ADAMTS3: variants seen among roughly 807,000 people sequenced by gnomAD.
The protein encoded by ADAMTS3 is ADAM metallopeptidase with thrombospondin type 1 motif 3, also known as A disintegrin and metalloproteinase with thrombospondin motifs 3.
In ADAMTS3, 73 loss-of-function variants were observed where a neutral mutation model predicts 129.0. That is an observed-to-expected ratio of 0.57 (90% CI 0.47 to 0.69). The LOEUF (loss-of-function observed/expected upper bound fraction) is 0.69, where lower values mean the gene tolerates loss of function less well. Among genes scored for constraint, ADAMTS3 ranks in the 30% least tolerant of loss-of-function variants. ADAMTS3 has a pLI of 0.00. For missense variants in ADAMTS3, 1,457 were observed against 1,514.5 expected (o/e 0.96, Z 0.63); for synonymous variants, 477 against 510.8 (o/e 0.93, Z 0.89).
chr4:72,501,243 G>A (rs1445804732), intron 3 of ADAMTS3, among the ~76,000 whole-genome samples: 1 of 152,056 alleles, frequency 6.6e-6, no homozygotes, highest in African/African-American at 2.4e-5. Context: ...TCCAATCCAT[G>A]AGCATGAAAT....
chr4:72,496,607 C>A (rs1432649297), intron 3 of ADAMTS3, among the ~76,000 whole-genome samples: 2 of 152,064 alleles, frequency 1.3e-5, no homozygotes, highest in Non-Finnish European at 2.9e-5. Context: ...TCCAGCCCAC[C>A]AGGACCAATA....
At chr4:72,326,660 G>C (rs1248759239) in intron 5 of ADAMTS3, among the ~76,000 whole-genome samples, 1 of 151,874 alleles carries the variant, frequency 6.6e-6, no homozygotes, top group Non-Finnish European at 1.5e-5. Flanking sequence ...AAAATACAAA[G>C]TACTTGAGCT....
intron 3 of ADAMTS3, among the ~76,000 whole-genome samples, chr4:72,506,896 G>T (rs1165611669): frequency 6.6e-6 from 1 of 152,126 alleles, no homozygotes; most frequent in East Asian, 1.9e-4. Context: ...CTGAATTAAA[G>T]TTCACAGAGT....
At chr4:72,294,356 G>T (rs1228167594) in intron 19 of ADAMTS3, among the ~76,000 whole-genome samples, 1 of 152,012 alleles carries the variant, frequency 6.6e-6, no homozygotes, top group African/African-American at 2.4e-5. Flanking sequence ...TCAGTTAGAA[G>T]AAACATGTTT....
intron 3 of ADAMTS3, among the ~76,000 whole-genome samples, chr4:72,432,210 C>T (rs1348350395): frequency 1.3e-5 from 2 of 151,878 alleles, no homozygotes; most frequent in African/African-American, 2.4e-5. Flanking sequence ...AGGTGTGTGG[C>T]TGGAAGTGAT....
chr4:72,509,627 C>T lies in ADAMTS3; in HGVS notation c.504+38851G>A, dbSNP rs115308274. The stretch of plus-strand genomic sequence containing the variant: ...AACAAGATTGAAGCCATAATGAAAA[C>T]TCTCCCAGTAAAGAAAAGCCCAGGA... On this transcript the variant is annotated intron_variant, in intron 3 of 21. Transcript: ENST00000286657. 8.6e-3 allele frequency among the ~76,000 whole-genome samples: 1,306 copies of T among 151,958 alleles called. 5 individuals are homozygous for T. Among genetic ancestry groups the T allele is most frequent in the Non-Finnish European group, 0.013 (902 of 67,834 alleles).
chr4:72,527,235 C>T (rs1355118190), intron 3 of ADAMTS3, among the ~76,000 whole-genome samples: 1 of 152,184 alleles, frequency 6.6e-6, no homozygotes, highest in African/African-American at 2.4e-5. Context: ...AACTCCTCTT[C>T]ATCCTTAAAA....
intron 3 of ADAMTS3, among the ~76,000 whole-genome samples, chr4:72,475,758 A>G (rs1393617685): frequency 6.6e-6 from 1 of 150,548 alleles, no homozygotes; most frequent in African/African-American, 2.4e-5. Context: ...CTCATCTATG[A>G]AAAAAAAACA....
chr4:72,532,226 A>AGT (rs1721063116), intron 3 of ADAMTS3, among the ~76,000 whole-genome samples: 1 of 152,142 alleles, frequency 6.6e-6, no homozygotes, highest in South Asian at 2.1e-4. Flanking sequence ...AGACCTACTA[A>AGT]ATCAGAAACT....
At chr4:72,405,887 C>T (rs753415254) in intron 4 of ADAMTS3, among the ~76,000 whole-genome samples, 11 of 152,024 alleles carry the variant, frequency 7.2e-5, no homozygotes, top group Non-Finnish European at 1.5e-4. Flanking sequence ...ATTAAAGAGG[C>T]TAAAATATGC....
At chr4:72,288,923 T>TGC in intron 20 of ADAMTS3, 55 bp from the exon 21 acceptor site, 1 of 451,176 alleles carries the variant, frequency 2.2e-6, no homozygotes, top group Non-Finnish European at 4.0e-6. Context: ...ACCATGCACA[T>TGC]ACACACACAC....
intron 4 of ADAMTS3, among the ~76,000 whole-genome samples, chr4:72,345,627 GT>G (rs1335155549): frequency 6.6e-6 from 1 of 152,018 alleles, no homozygotes; most frequent in Non-Finnish European, 1.5e-5. Context: ...CTAAGTACCT[GT>G]TGCTTTTATT....
intron 4 of ADAMTS3, among the ~76,000 whole-genome samples, chr4:72,364,612 TA>T (rs78613730): frequency 0.041 from 5,735 of 138,668 alleles, 251 homozygotes; most frequent in African/African-American, 0.12. Context: ...AGACTCCGTT[TA>T]AAAAAAAAAA....
At chr4:72,454,382 A>T (rs947557433) in intron 3 of ADAMTS3, among the ~76,000 whole-genome samples, 49 of 151,850 alleles carry the variant, frequency 3.2e-4, no homozygotes, top group African/African-American at 1.1e-3. Flanking sequence ...TGTGTAAGTA[A>T]AATAGAAGGG....
intron 3 of ADAMTS3, among the ~76,000 whole-genome samples, chr4:72,514,415 T>C (rs1248030382): frequency 6.6e-6 from 1 of 152,146 alleles, no homozygotes; most frequent in Non-Finnish European, 1.5e-5. Context: ...TATAAAACCA[T>C]GAAAAACAAA....
chr4:72,550,108 A>G (rs36009654), intron 2 of ADAMTS3, among the ~76,000 whole-genome samples: 15,683 of 116,150 alleles, frequency 0.14, 3,181 homozygotes, highest in South Asian at 0.35. Flanking sequence ...AAGAAGAAGA[A>G]GAAGAAGAAG....
chr4:72,523,154 A>C (rs1314788289), intron 3 of ADAMTS3, among the ~76,000 whole-genome samples: 1 of 152,084 alleles, frequency 6.6e-6, no homozygotes, highest in Non-Finnish European at 1.5e-5. Context: ...AAAAAAGAAA[A>C]AGTAAGAAAA....
At chr4:72,474,203 T>TTCC (rs111943460) in intron 3 of ADAMTS3, among the ~76,000 whole-genome samples, 87 of 152,110 alleles carry the variant, frequency 5.7e-4, no homozygotes, top group African/African-American at 2.0e-3. Flanking sequence ...GATCTCAAAC[T>TTCC]AAATGAAAAA....
intron 3 of ADAMTS3, among the ~76,000 whole-genome samples, chr4:72,453,907 T>A (rs34505452): frequency 0.26 from 37,838 of 147,998 alleles, 5,136 homozygotes; most frequent in East Asian, 0.45. Flanking sequence ...ATGTAAAATA[T>A]ATATATATAT....
Sources: gnomAD v4.1 joint callset for allele counts (sites outside exome capture counted in the v4.1 genomes callset) on GRCh38, gnomAD v4.1.1 for gene constraint, MANE v1.5 for transcripts, NCBI Gene and HGNC (gene_info 2026-07-23, HGNC 2026-07-21) for gene names.